The following RNF111 variants were observed in gnomAD, a reference collection of about 807,000 sequenced individuals.
RNF111 encodes the protein ring finger protein 111.
RNF111 carries 17 observed loss-of-function variants against 95.1 expected under a neutral mutation model. That is an observed-to-expected ratio of 0.18 (90% CI 0.12 to 0.27). The LOEUF (loss-of-function observed/expected upper bound fraction) is 0.27. Ranked by LOEUF, RNF111 falls within the 10% of genes least tolerant of loss-of-function variation. The probability of loss-of-function intolerance (pLI) is 1.00; values close to 1 mark genes in which losing one functional copy is unlikely to be tolerated. For missense variants in RNF111, 1,189 were observed against 1,210.4 expected (o/e 0.98, Z 0.26); for synonymous variants, 440 against 414.8 (o/e 1.06, Z -0.74).
intron 8 of RNF111, among the ~76,000 whole-genome samples, chr15:59,083,778 T>C (rs1355265790): frequency 1.3e-5 from 2 of 152,076 alleles, no homozygotes; most frequent in East Asian, 3.9e-4. Context: ...TTGCCTGGGG[T>C]ATTTAATTTT....
At chr15:59,032,552 G>C (rs2040964731) in intron 2 of RNF111, among the ~76,000 whole-genome samples, 1 of 152,102 alleles carries the variant, frequency 6.6e-6, no homozygotes, top group African/African-American at 2.4e-5. Flanking sequence ...GCCTCAAGTA[G>C]CTGGGACTAC....
chr15:59,092,490 A>G (rs778451240), intron 12 of RNF111, 47 bp from the exon 13 acceptor site: 11 of 1,568,924 alleles, frequency 7.0e-6, no homozygotes, highest in East Asian at 2.4e-5. Context: ...CAGTTGTTCA[A>G]TAATGTCATC....
Position 59,007,800 on chromosome 15 carries a change from G to T in RNF111, c.-20+19732G>T, listed in dbSNP as rs141005553. Among the ~76,000 whole-genome samples, 7 of 152,212 alleles carry T rather than the reference G, an allele frequency of 4.6e-5. No homozygotes were observed. The South Asian group carries it at 1.2e-3, about 27-fold the overall frequency. On this transcript the variant is annotated intron_variant, in intron 1 of 13. Transcript: ENST00000348370. ...TTAAATTTACTTATTGGGTATTTTTGTATGTTTTGTAAAATCTTTTGCCTA... is the reference window on the plus strand; with the variant it reads ...TTAAATTTACTTATTGGGTATTTTTTTATGTTTTGTAAAATCTTTTGCCTA...
intron 1 of RNF111, among the ~76,000 whole-genome samples, chr15:59,019,667 A>G: frequency 6.6e-6 from 1 of 152,158 alleles, no homozygotes; most frequent in Non-Finnish European, 1.5e-5. Context: ...TGGATATTTA[A>G]AAGTATTTAA....
intron 10 of RNF111, among the ~76,000 whole-genome samples, chr15:59,088,422 A>G (rs141965735): frequency 2.0e-5 from 3 of 152,354 alleles, no homozygotes; most frequent in Admixed American, 6.5e-5. Context: ...CTTGGTTATA[A>G]GAAAAGTTGT....
intron 2 of RNF111, among the ~76,000 whole-genome samples, chr15:59,045,875 A>C (rs1215027966): frequency 1.3e-5 from 2 of 152,164 alleles, no homozygotes; most frequent in Non-Finnish European, 2.9e-5. Flanking sequence ...TTCAATCTAC[A>C]ATATTATTTT....
intron 6 of RNF111, among the ~76,000 whole-genome samples, chr15:59,072,161 A>G (rs977556319): frequency 3.3e-5 from 5 of 152,166 alleles, no homozygotes; most frequent in African/African-American, 1.2e-4. Context: ...GTCTTGCCTT[A>G]ATGTTGGTGG....
At chr15:59,048,257 G>T (rs1456671209) in intron 2 of RNF111, among the ~76,000 whole-genome samples, 4 of 152,062 alleles carry the variant, frequency 2.6e-5, no homozygotes, top group Non-Finnish European at 5.9e-5. Flanking sequence ...CATATGATTG[G>T]ATACTACTCA....
In RNF111 at chr15:59,076,167, C is replaced by T. The variant is rs2043157514; in HGVS notation, c.1900C>T (p.Pro634Ser). The T allele has an allele frequency of 6.2e-7, 1 of 1,613,924 alleles. No homozygotes were observed. Among genetic ancestry groups the T allele is most frequent in the Admixed American group, 1.7e-5 (1 of 60,026 alleles). ...GGTTGCGCAGCCCCAGCCCCAGCCC[C>T]CTCCACAGCCCTCTCTCTCATCATG... Reference protein sequence around the residue: ...SMVAQPQPQPPPQPSLSSCRH... With the variant: ...SMVAQPQPQPSPQPSLSSCRH... The change falls in exon 7 of 14, where the codon CCT becomes TCT. Residue 634 changes from proline (P) to serine (S), a missense_variant. Transcript: ENST00000348370.
chr15:59,052,137 CTG>C (rs1321417563), intron 2 of RNF111, among the ~76,000 whole-genome samples, 166 bp from the exon 3 acceptor site: 4 of 151,834 alleles, frequency 2.6e-5, no homozygotes, highest in South Asian at 2.1e-4. Context: ...ACCATTTTTA[CTG>C]TGTGTGTTTT....
intron 1 of RNF111, among the ~76,000 whole-genome samples, chr15:59,010,145 A>C (rs2039729351): frequency 6.6e-6 from 1 of 152,134 alleles, no homozygotes; most frequent in South Asian, 2.1e-4. Flanking sequence ...TTATCGGCAA[A>C]TTTTTAATTG....
intron 1 of RNF111, among the ~76,000 whole-genome samples, chr15:58,990,146 G>A (rs540967210): frequency 5.3e-5 from 8 of 152,106 alleles, no homozygotes; most frequent in Admixed American, 2.6e-4. Context: ...TTAGATCTCC[G>A]AGTTTATTGT....
At chr15:59,035,252 A>G (rs2041118254) in intron 2 of RNF111, among the ~76,000 whole-genome samples, 1 of 152,212 alleles carries the variant, frequency 6.6e-6, no homozygotes, top group Admixed American at 6.5e-5. Flanking sequence ...GGGTAGGGAT[A>G]CAGCCAGACC....
intron 1 of RNF111, among the ~76,000 whole-genome samples, chr15:59,027,837 T>G (rs1156759633): frequency 5.1e-5 from 7 of 137,922 alleles, no homozygotes; most frequent in Non-Finnish European, 1.1e-4. Flanking sequence ...CTGGCCCACC[T>G]TTTTTTTTTT....
chr15:59,037,684 A>C (rs565684190), intron 2 of RNF111, among the ~76,000 whole-genome samples: 1 of 152,190 alleles, frequency 6.6e-6, no homozygotes, highest in Admixed American at 6.5e-5. Flanking sequence ...TAAAAATACA[A>C]AATTAGCCGA....
chr15:59,068,933 G>C (rs2042786387), intron 6 of RNF111, among the ~76,000 whole-genome samples: 1 of 151,876 alleles, frequency 6.6e-6, no homozygotes, highest in Admixed American at 6.6e-5. Flanking sequence ...AAATTAGTTG[G>C]GTCTGTGGCG....
intron 1 of RNF111, among the ~76,000 whole-genome samples, chr15:59,012,500 C>T (rs79057769): frequency 0.018 from 2,776 of 152,144 alleles, 53 homozygotes; most frequent in East Asian, 0.038. Context: ...GCTTTGTGTA[C>T]GTATTGACTA....
rs369398252 is a variant in RNF111, at chr15:59,027,576, T to A, written c.-19-3228T>A. On this transcript the variant is annotated intron_variant, in intron 1 of 13. Coordinates refer to ENST00000348370, the MANE Select transcript of RNF111 (RefSeq NM_017610.8). The stretch of plus-strand genomic sequence containing the variant: ...CAGAGTCTTGCTCTGTTGCCCAGGC[T>A]GGAGTGCAATGGCGCAATCTCGGCT... 3.3e-5 allele frequency among the ~76,000 whole-genome samples: 5 copies of A among 152,138 alleles called. No homozygotes were observed. In the East Asian group the frequency reaches 5.8e-4, roughly 18 times the overall value.
chr15:59,070,942 C>A lies in RNF111; in HGVS notation c.1686+3859C>A, dbSNP rs575037286. 2.0e-5 allele frequency among the ~76,000 whole-genome samples: 3 copies of A among 152,222 alleles called. No individual in the cohort carries two copies. The East Asian group carries it at 5.8e-4, about 29-fold the overall frequency. ...ATATATAACATCAGATCTTTATGAT[C>A]TTTCATCACATTTTGAAAAGTATGG... On this transcript the variant is annotated intron_variant, in intron 6 of 13. Transcript: ENST00000348370.
Sources: gnomAD v4.1 joint callset for allele counts (sites outside exome capture counted in the v4.1 genomes callset) on GRCh38, gnomAD v4.1.1 for gene constraint, MANE v1.5 for transcripts, NCBI Gene and HGNC (gene_info 2026-07-23, HGNC 2026-07-21) for gene names.